TCF12: variants seen among roughly 807,000 people sequenced by gnomAD.
TCF12 encodes DNA-binding protein HTF4.
Under a neutral mutation model 86.0 loss-of-function variants are expected in TCF12, and 45 were observed. The ratio of observed to expected loss-of-function variants is 0.52; its 90% CI spans 0.41 to 0.67. The LOEUF (loss-of-function observed/expected upper bound fraction) is 0.67, where lower values mean the gene tolerates loss of function less well. Among genes scored for constraint, TCF12 ranks in the 30% least tolerant of loss-of-function variants. The pLI is 0.00. For synonymous variants in TCF12, 330 were observed against 299.6 expected (o/e 1.10, Z -1.05); for missense variants, 881 against 859.9 (o/e 1.02, Z -0.31).
chr15:57,174,665 G>C (rs2151604716), intron 6 of TCF12, among the ~76,000 whole-genome samples: 1 of 152,272 alleles, frequency 6.6e-6, no homozygotes. Flanking sequence ...AAACTAAATA[G>C]TACTTTTAGC....
At chr15:56,939,365 A>G (rs1355740164) in intron 3 of TCF12, among the ~76,000 whole-genome samples, 1 of 152,108 alleles carries the variant, frequency 6.6e-6, no homozygotes, top group African/African-American at 2.4e-5. Context: ...GAGTGCAACT[A>G]ATTATTGTAT....
At chr15:57,205,377 A>C (rs951397841) in intron 8 of TCF12, among the ~76,000 whole-genome samples, 1 of 152,252 alleles carries the variant, frequency 6.6e-6, no homozygotes, top group African/African-American at 2.4e-5. Flanking sequence ...ATTCTGGAAT[A>C]AATAGTATTT....
intron 4 of TCF12, among the ~76,000 whole-genome samples, chr15:57,079,768 ATGGTCTT>A (rs2151053489): frequency 2.0e-5 from 3 of 152,298 alleles, no homozygotes; most frequent in African/African-American, 7.2e-5. Context: ...AATAAGTAAA[ATGGTCTT>A]TAGTTACAAA....
At chr15:56,959,848 T>A (rs56804967) in intron 3 of TCF12, among the ~76,000 whole-genome samples, 7,565 of 152,204 alleles carry the variant, frequency 0.05, 392 homozygotes, top group African/African-American at 0.13. Flanking sequence ...ACACTCCTTA[T>A]ATATTGAATT....
intron 4 of TCF12, among the ~76,000 whole-genome samples, chr15:57,072,438 C>G (rs2069483607): frequency 6.6e-6 from 1 of 152,128 alleles, no homozygotes; most frequent in Non-Finnish European, 1.5e-5. Context: ...ATAGCTTTTA[C>G]TCAGTTGTCC....
intron 3 of TCF12, among the ~76,000 whole-genome samples, chr15:56,983,600 G>A (rs184983445): frequency 6.6e-6 from 1 of 152,150 alleles, no homozygotes; most frequent in African/African-American, 2.4e-5. Context: ...AAATATATCA[G>A]CAATTCTGAA....
At chr15:57,283,207 CTGTT>C (rs2061775563) in intron 20 of TCF12, among the ~76,000 whole-genome samples, 1 of 151,840 alleles carries the variant, frequency 6.6e-6, no homozygotes, top group Non-Finnish European at 1.5e-5. Flanking sequence ...TGTTCAAAGA[CTGTT>C]CTTTATATCT....
Position 57,001,246 on chromosome 15 carries a change from C to T in TCF12, c.149-62504C>T, listed in dbSNP as rs552137676. ...GCCAGGCTGGTCTTGAATTCCTGAC[C>T]TCAAGTAATCCGCCCACCTCAGCCT... is the stretch of plus-strand genomic sequence containing the variant. On this transcript the variant is annotated intron_variant, in intron 3 of 20. Transcript: ENST00000333725. The T allele has an allele frequency of 7.9e-5, 13 of 163,738 alleles. No individual in the cohort carries two copies. In the South Asian group the frequency reaches 2.4e-3, roughly 31 times the overall value. 10.1% of individuals were successfully genotyped at this position (163,738 alleles called of 1,614,324 possible). A position where few individuals can be genotyped will look rare whatever the true frequency, so the allele number is the denominator to read the frequency against.
intron 18 of TCF12, among the ~76,000 whole-genome samples, chr15:57,272,477 C>G (rs535691047): frequency 6.6e-6 from 1 of 152,372 alleles, no homozygotes; most frequent in East Asian, 1.9e-4. Flanking sequence ...AGCTTTCCTT[C>G]TTTCTTTTCG....
At chr15:57,061,804 A>C (rs2068478453) in intron 3 of TCF12, among the ~76,000 whole-genome samples, 1 of 152,162 alleles carries the variant, frequency 6.6e-6, no homozygotes, top group South Asian at 2.1e-4. Context: ...ATGCAGTTCC[A>C]TATATTAGTG....
intron 13 of TCF12, chr15:57,248,012 G>A (rs1462331548): frequency 7.0e-6 from 5 of 711,420 alleles, no homozygotes; most frequent in South Asian, 1.5e-5. Flanking sequence ...TGGTGGCAAC[G>A]GCTGCAGTTG....
At chr15:56,940,736 C>G (rs2439921) in intron 3 of TCF12, among the ~76,000 whole-genome samples, 6 of 109,022 alleles carry the variant, frequency 5.5e-5, no homozygotes, top group East Asian at 3.4e-4. Flanking sequence ...TTCTCTCCCC[C>G]CCCTTCTCCT....
intron 3 of TCF12, among the ~76,000 whole-genome samples, chr15:57,013,158 G>A (rs1233146892): frequency 6.6e-6 from 1 of 152,062 alleles, no homozygotes; most frequent in East Asian, 1.9e-4. Context: ...GGAAGGCAAA[G>A]AGAATAAAAA....
At chr15:57,066,329 C>G (rs74018485) in intron 4 of TCF12, among the ~76,000 whole-genome samples, 7,170 of 152,020 alleles carry the variant, frequency 0.047, 338 homozygotes, top group African/African-American at 0.13. Flanking sequence ...TTCTTAAATT[C>G]TTATTTAAGT....
chr15:57,101,072 T>C (rs2049709247), intron 5 of TCF12, among the ~76,000 whole-genome samples: 2 of 152,182 alleles, frequency 1.3e-5, no homozygotes, highest in South Asian at 4.1e-4. Context: ...TCAGCTTCTT[T>C]TTCTTCTTGG....
intron 13 of TCF12, chr15:57,246,917 G>C (rs1375962652): frequency 6.0e-6 from 3 of 503,172 alleles, no homozygotes; most frequent in South Asian, 1.5e-5. Context: ...ACAACTCCTC[G>C]TTCTCTCTCC....
At chr15:57,111,015 G>A (rs1401702407) in intron 5 of TCF12, among the ~76,000 whole-genome samples, 3 of 152,212 alleles carry the variant, frequency 2.0e-5, no homozygotes, top group South Asian at 4.1e-4. Flanking sequence ...TTTACATTCT[G>A]TCTCAGATGC....
intron 18 of TCF12, among the ~76,000 whole-genome samples, chr15:57,264,722 G>A (rs1196166904): frequency 6.6e-6 from 1 of 151,906 alleles, no homozygotes. Context: ...AGGTAACAAA[G>A]CCTTCTTCTG....
Position 57,288,279 on chromosome 15 carries a change from C to T in TCF12, c.*2134C>T, listed in dbSNP as rs553759803. The T allele has an allele frequency of 6.6e-6, 1 of 152,668 alleles. No individual in the cohort carries two copies. The highest frequency in any genetic ancestry group is 2.1e-4 in the South Asian group (1 of 4,822). The allele number at this position is 152,668 out of a possible 1,614,324, so 9.5% of individuals were successfully genotyped here. On this transcript the variant is annotated 3_prime_UTR_variant, in exon 21 of 21. Transcript: ENST00000333725. ...AGGATTCTAGCATACCGTGTAGTAC[C>T]TATGGAGTATTGTAAGAGCTAATTG...
Sources: allele counts gnomAD v4.1 joint callset (sites outside exome capture counted in the v4.1 genomes callset), GRCh38; gene constraint gnomAD v4.1.1; transcripts MANE v1.5; gene names NCBI Gene and HGNC (gene_info 2026-07-23, HGNC 2026-07-21).